MAPKAP1: variants seen among roughly 807,000 people sequenced by gnomAD.
MAPKAP1 encodes the protein target of rapamycin complex 2 subunit MAPKAP1.
A neutral mutation model predicts 65.7 loss-of-function variants in MAPKAP1; 20 were observed. That is an observed-to-expected ratio of 0.30 (90% CI 0.21 to 0.44). MAPKAP1 has a LOEUF of 0.44. MAPKAP1 is among the 20% of genes least tolerant of loss of function. The pLI, the probability that MAPKAP1 is intolerant of heterozygous loss-of-function variation, is 1.00. For synonymous variants in MAPKAP1, 222 were observed against 244.3 expected (o/e 0.91, Z 0.85); for missense variants, 423 against 648.0 (o/e 0.65, Z 3.77).
intron 5 of MAPKAP1, among the ~76,000 whole-genome samples, chr9:125,578,420 T>C (rs1831515705): frequency 6.8e-6 from 1 of 147,724 alleles, no homozygotes; most frequent in Non-Finnish European, 1.5e-5. Context: ...CACCCAAGAA[T>C]GATCAATAAA....
intron 8 of MAPKAP1, among the ~76,000 whole-genome samples, chr9:125,495,473 A>C (rs1379937172): frequency 6.6e-6 from 1 of 152,224 alleles, no homozygotes; most frequent in South Asian, 2.1e-4. Context: ...TCGCTTAATG[A>C]AAGTTCTTAA....
intron 7 of MAPKAP1, among the ~76,000 whole-genome samples, chr9:125,533,278 A>T (rs543195858): frequency 6.6e-6 from 1 of 152,302 alleles, no homozygotes; most frequent in Non-Finnish European, 1.5e-5. Flanking sequence ...TAATAAATAC[A>T]TTTAAAAATA....
At chr9:125,653,243 G>A (rs1159316957) in intron 4 of MAPKAP1, among the ~76,000 whole-genome samples, 1 of 152,168 alleles carries the variant, frequency 6.6e-6, no homozygotes, top group East Asian at 1.9e-4. Flanking sequence ...AGTAACAAAA[G>A]ACAAGCACAC....
At chr9:125,589,589 C>A (rs1831892677) in intron 4 of MAPKAP1, among the ~76,000 whole-genome samples, 1 of 152,148 alleles carries the variant, frequency 6.6e-6, no homozygotes, top group Admixed American at 6.5e-5. Flanking sequence ...CTTGAGCAAT[C>A]ATGCGGTTCC....
At chr9:125,675,422 G>C (rs1427371277) in intron 1 of MAPKAP1, among the ~76,000 whole-genome samples, 1 of 152,144 alleles carries the variant, frequency 6.6e-6, no homozygotes, top group Non-Finnish European at 1.5e-5. Context: ...AAGATAAGAG[G>C]AATGGGCAAA....
At chr9:125,584,193 CG>C (rs1831711563) in intron 5 of MAPKAP1, among the ~76,000 whole-genome samples, 1 of 152,152 alleles carries the variant, frequency 6.6e-6, no homozygotes, top group Non-Finnish European at 1.5e-5. Flanking sequence ...TGAGGTGTGC[CG>C]CTGACTGAAC....
At chr9:125,463,831 G>A (rs1853582852) in intron 10 of MAPKAP1, among the ~76,000 whole-genome samples, 1 of 152,154 alleles carries the variant, frequency 6.6e-6, no homozygotes, top group South Asian at 2.1e-4. Context: ...CAGCTATAAA[G>A]ATGACAGCTA....
At position 125,439,615 on chromosome 9, in the gene MAPKAP1, G is replaced by GA. The variant is rs1176965035; in HGVS notation, c.1444-604dup. Among the ~76,000 whole-genome samples the GA allele has an allele frequency of 6.6e-6, 1 of 152,220 alleles. No homozygotes were observed. Among genetic ancestry groups the GA allele is most frequent in the East Asian group, 1.9e-4 (1 of 5,190 alleles). ...ACGTGGAAGTCAGGGTGAGAGCTGT[G>GA]AGGGGGCTGAAAGAGCCCTGTGTGA... On this transcript the variant is annotated intron_variant, in intron 11 of 11. Transcript: ENST00000265960. This position sits in a 1 kb window ranked among gnomAD's most constrained non-coding sequence, Gnocchi z 4.0.
chr9:125,628,491 ATTGTATGGATTCTT>A (rs949392688), intron 4 of MAPKAP1, among the ~76,000 whole-genome samples: 1 of 152,154 alleles, frequency 6.6e-6, no homozygotes, highest in Non-Finnish European at 1.5e-5. Context: ...GGGAAAATGA[ATTGTATGGATTCTT>A]TTGTATGGAT....
intron 8 of MAPKAP1, among the ~76,000 whole-genome samples, chr9:125,494,225 T>A (rs1055685523): frequency 2.0e-5 from 3 of 152,112 alleles, no homozygotes; most frequent in Non-Finnish European, 4.4e-5. Flanking sequence ...ATTAAACACT[T>A]CCCTTTGGCT....
At chr9:125,491,882 T>C (rs919125596) in intron 8 of MAPKAP1, among the ~76,000 whole-genome samples, 3 of 152,108 alleles carry the variant, frequency 2.0e-5, no homozygotes, top group African/African-American at 7.2e-5. Context: ...CAATTTTTAA[T>C]AGATGTAACT....
At chr9:125,457,597 T>G (rs1156396103) in intron 10 of MAPKAP1, among the ~76,000 whole-genome samples, 1 of 152,254 alleles carries the variant, frequency 6.6e-6, no homozygotes, top group Non-Finnish European at 1.5e-5. Context: ...TGTGCTGTCC[T>G]TTACAGAGTA....
At chr9:125,635,841 C>T (rs932833597) in intron 4 of MAPKAP1, among the ~76,000 whole-genome samples, 3 of 152,206 alleles carry the variant, frequency 2.0e-5, no homozygotes, top group African/African-American at 7.2e-5. Flanking sequence ...CTACAAGTTA[C>T]TTCAAAGCAG....
At chr9:125,686,445 A>G (rs1305180043) in intron 1 of MAPKAP1, among the ~76,000 whole-genome samples, 1 of 152,248 alleles carries the variant, frequency 6.6e-6, no homozygotes, top group Non-Finnish European at 1.5e-5. Context: ...GGCCTTGGAC[A>G]AGTGACTTCT....
chr9:125,572,289 A>G (rs1290245301), intron 5 of MAPKAP1, among the ~76,000 whole-genome samples: 2 of 152,244 alleles, frequency 1.3e-5, no homozygotes, highest in East Asian at 1.9e-4. Context: ...ATTTGAGGGT[A>G]CAAAACCATG....
In MAPKAP1 at chr9:125,663,484, T is replaced by C. The variant is rs548742817; in HGVS notation, c.350-5685A>G. 2.6e-5 allele frequency among the ~76,000 whole-genome samples: 4 copies of C among 152,342 alleles called. No individual in the cohort carries two copies. In the South Asian group the frequency reaches 8.3e-4, roughly 32 times the overall value. On this transcript the variant is annotated intron_variant, in intron 3 of 11. Coordinates refer to ENST00000265960, the MANE Select transcript of MAPKAP1 (RefSeq NM_001006617.3). ...TCCTTATCCCCCTTACCTGGCTATA[T>C]TCTTCTCCATGCCATTTACCCATTC...
At chr9:125,602,228 G>A (rs1274420937) in intron 4 of MAPKAP1, among the ~76,000 whole-genome samples, 1 of 152,160 alleles carries the variant, frequency 6.6e-6, no homozygotes. Flanking sequence ...GCTCCAGCCT[G>A]GGCAGCAGAG....
chr9:125,490,570 A>G (rs1854671353), intron 8 of MAPKAP1, among the ~76,000 whole-genome samples: 1 of 152,086 alleles, frequency 6.6e-6, no homozygotes, highest in South Asian at 2.1e-4. Flanking sequence ...ACAAACCAAC[A>G]AAAAAACAAC....
In MAPKAP1 at chr9:125,597,512, G is replaced by A. The variant is rs558300505; in HGVS notation, c.499-11785C>T. On this transcript the variant is annotated intron_variant, in intron 4 of 11. Transcript: ENST00000265960. Reference sequence around the variant, plus strand: ...ATTAAGTCTTACAGACTAAAGGCTTGGCTAGCATTGCTATTTAATATCAAG... The same window carrying A: ...ATTAAGTCTTACAGACTAAAGGCTTAGCTAGCATTGCTATTTAATATCAAG... Among the ~76,000 whole-genome samples the A allele has an allele frequency of 2.6e-5, 4 of 152,304 alleles. No individual in the cohort carries two copies. In the East Asian group the frequency reaches 7.7e-4, roughly 29 times the overall value.
Sources: gnomAD v4.1 joint callset for allele counts (sites outside exome capture counted in the v4.1 genomes callset) on GRCh38, gnomAD v4.1.1 for gene constraint, Gnocchi (gnomAD v3.1) non-coding constraint, MANE v1.5 for transcripts, NCBI Gene and HGNC (gene_info 2026-07-23, HGNC 2026-07-21) for gene names.